SNX30: variants seen among roughly 807,000 people sequenced by gnomAD.
SNX30 encodes the protein sorting nexin-30.
SNX30 carries 24 observed loss-of-function variants against 46.4 expected under a neutral mutation model. The ratio of observed to expected loss-of-function variants is 0.52; its 90% CI spans 0.37 to 0.73. The LOEUF (loss-of-function observed/expected upper bound fraction) is 0.73, where lower values mean the gene tolerates loss of function less well. Among genes scored for constraint, SNX30 ranks in the 30% least tolerant of loss-of-function variants. SNX30 has a pLI of 0.00. For missense variants in SNX30, 533 were observed against 555.7 expected (o/e 0.96, Z 0.41); for synonymous variants, 189 against 211.5 (o/e 0.89, Z 0.92).
At chr9:112,807,290 T>C (rs1193821211) in intron 2 of SNX30, among the ~76,000 whole-genome samples, 1 of 152,166 alleles carries the variant, frequency 6.6e-6, no homozygotes, top group Non-Finnish European at 1.5e-5. Flanking sequence ...GGTCTTGAAC[T>C]CCTGGTGTCA....
chr9:112,761,800 C>T (rs1327906540), intron 1 of SNX30, among the ~76,000 whole-genome samples: 6 of 152,106 alleles, frequency 3.9e-5, no homozygotes, highest in Admixed American at 3.9e-4. Flanking sequence ...TGCAAGCCTA[C>T]TCAAACTTCA....
chr9:112,878,879 C>G (rs1841545334), downstream of SNX30: 1 of 152,228 alleles, frequency 6.6e-6, no homozygotes, highest in Admixed American at 6.5e-5. Context: ...TCTGTAGTCA[C>G]AGACAGAATC....
chr9:112,818,927 C>T (rs1353850376), intron 3 of SNX30, among the ~76,000 whole-genome samples: 1 of 152,186 alleles, frequency 6.6e-6, no homozygotes, highest in Admixed American at 6.5e-5. Flanking sequence ...TTCTCCGAGC[C>T]TGAAGTTTTG....
intron 8 of SNX30, among the ~76,000 whole-genome samples, chr9:112,866,827 C>T (rs1273254410): frequency 7.5e-6 from 1 of 133,782 alleles, no homozygotes; most frequent in Non-Finnish European, 1.6e-5. Context: ...CATTAGAATT[C>T]CTCCCACCTC....
intron 1 of SNX30, among the ~76,000 whole-genome samples, chr9:112,756,505 C>T (rs1054295653): frequency 3.6e-5 from 5 of 138,894 alleles, no homozygotes; most frequent in Admixed American, 1.7e-4. Context: ...GGTGCAATGG[C>T]ACGATCTCAG....
chr9:112,804,714 CT>C lies in SNX30; in HGVS notation c.157-58del, dbSNP rs2131402181. On this transcript the variant is annotated intron_variant, in intron 1 of 8. Transcript: ENST00000374232. ...TTTATTGGTTTGGCTAAACCAGCTG[CT>C]TTTGCTGATACTCTCCAGTATGTTT... The C allele has an allele frequency of 3.5e-6, 5 of 1,416,288 alleles. No individual in the cohort carries two copies. In the East Asian group the frequency reaches 9.5e-5, roughly 27 times the overall value. The allele number at this position is 1,416,288 out of a possible 1,614,324, so 87.7% of individuals were successfully genotyped here.
chr9:112,805,839 G>C (rs976087823), intron 2 of SNX30, among the ~76,000 whole-genome samples: 3 of 152,180 alleles, frequency 2.0e-5, no homozygotes, highest in African/African-American at 4.8e-5. Flanking sequence ...GAGGTGGAAA[G>C]TTCAAATAAC....
At chr9:112,777,634 G>C (rs556822782) in intron 1 of SNX30, among the ~76,000 whole-genome samples, 16 of 129,824 alleles carry the variant, frequency 1.2e-4, no homozygotes, top group African/African-American at 4.8e-4. Flanking sequence ...TTTTTGTGGA[G>C]ATGGGTCTCA....
At chr9:112,780,997 A>G (rs1007637014) in intron 1 of SNX30, among the ~76,000 whole-genome samples, 4 of 152,216 alleles carry the variant, frequency 2.6e-5, no homozygotes, top group African/African-American at 7.2e-5. Flanking sequence ...CCCTAACCAT[A>G]GTATTGTCAT....
At chr9:112,767,124 A>T (rs2796027) in intron 1 of SNX30, among the ~76,000 whole-genome samples, 133,179 of 149,492 alleles carry the variant, frequency 0.89, 59,532 homozygotes, top group East Asian at 1. Flanking sequence ...TAATTATTTT[A>T]TTTTTTTTTT....
chr9:112,841,121 C>T (rs1464692380), intron 6 of SNX30, among the ~76,000 whole-genome samples: 1 of 152,196 alleles, frequency 6.6e-6, no homozygotes, highest in African/African-American at 2.4e-5. Flanking sequence ...GGATTTGTCT[C>T]TTATGTATAC....
intron 6 of SNX30, among the ~76,000 whole-genome samples, chr9:112,840,475 C>T (rs979281367): frequency 6.6e-6 from 1 of 152,106 alleles, no homozygotes; most frequent in Non-Finnish European, 1.5e-5. Flanking sequence ...CTAATGGTAT[C>T]TGTGTTTTTT....
intron 4 of SNX30, 67 bp downstream of exon 4, chr9:112,830,950 T>G: frequency 6.6e-7 from 1 of 1,504,128 alleles, no homozygotes; most frequent in Non-Finnish European, 8.9e-7. Flanking sequence ...CTAAAAGCTG[T>G]TTTGAGCAGG....
chr9:112,815,359 CTT>C (rs201531415), intron 2 of SNX30, among the ~76,000 whole-genome samples: 40 of 140,576 alleles, frequency 2.8e-4, no homozygotes, highest in Admixed American at 3.6e-4. Flanking sequence ...AATAGTGTAA[CTT>C]TTTTTTTTTT....
At position 112,838,547 on chromosome 9, in the gene SNX30, C is replaced by A; in HGVS notation, c.864C>A (p.Ser288Arg). Residue 288 changes from serine to arginine, a missense_variant, in exon 6 of 9, where the codon AGC (serine) becomes AGA (arginine). Physicochemically the swap from Ser to Arg is moderately radical, Grantham distance 110. This residue lies in a region of SNX30 where 261 missense variants were observed against 270.9 expected (regional missense o/e 0.96). Transcript: ENST00000374232. ...ACGGGCCTGTGTACTCCACATGGAG[C>A]GCCTTGGAGGGTGAGCTGGCTGAAC... ...REYGPVYSTW[S>R]ALEGELAEPL... 2 of 1,614,076 alleles carry A rather than the reference C, an allele frequency of 1.2e-6. No individual in the cohort carries two copies. The highest frequency in any genetic ancestry group is 1.7e-6 in the Non-Finnish European group (2 of 1,179,968).
chr9:112,782,312 T>C (rs1413756619), intron 1 of SNX30, among the ~76,000 whole-genome samples: 1 of 152,168 alleles, frequency 6.6e-6, no homozygotes, highest in Non-Finnish European at 1.5e-5. Flanking sequence ...GTGGTCCGCC[T>C]GCCTCAGCTT....
chr9:112,858,810 C>G (rs1014886476), intron 7 of SNX30, among the ~76,000 whole-genome samples: 13 of 152,128 alleles, frequency 8.5e-5, no homozygotes, highest in Non-Finnish European at 1.6e-4. Flanking sequence ...TCTGCCTTCC[C>G]GAGTGACTTT....
chr9:112,764,462 G>A (rs1279230088), intron 1 of SNX30, among the ~76,000 whole-genome samples: 3 of 152,140 alleles, frequency 2.0e-5, no homozygotes, highest in Admixed American at 2.0e-4. Flanking sequence ...TAGTTTACTA[G>A]AACTCCAGGG....
At chr9:112,868,016 A>T (rs1401944807) in intron 8 of SNX30, among the ~76,000 whole-genome samples, 3 of 152,198 alleles carry the variant, frequency 2.0e-5, no homozygotes, top group Non-Finnish European at 2.9e-5. Flanking sequence ...TGGGATGAAA[A>T]GAGGTTGGTG....
Sources: allele counts gnomAD v4.1 joint callset (sites outside exome capture counted in the v4.1 genomes callset), GRCh38; gene constraint gnomAD v4.1.1; regional missense constraint gnomAD v4.1.1; transcripts MANE v1.5; gene names NCBI Gene and HGNC (gene_info 2026-07-23, HGNC 2026-07-21).